ZDHHC1: variants seen among roughly 807,000 people sequenced by gnomAD.
ZDHHC1 encodes palmitoyltransferase ZDHHC1.
Under a neutral mutation model 46.9 loss-of-function variants are expected in ZDHHC1, and 45 were observed. The observed-to-expected ratio is 0.96, with a 90% CI of 0.76 to 1.23. The LOEUF (loss-of-function observed/expected upper bound fraction) is 1.23. Among genes scored for constraint, ZDHHC1 ranks in the 50% most tolerant of loss-of-function variants. ZDHHC1 has a pLI of 0.00. For missense variants in ZDHHC1, 649 were observed against 670.8 expected, an observed-to-expected ratio of 0.97 and a Z score of 0.36; for synonymous variants, 291 against 286.0, an observed-to-expected ratio of 1.02 and a Z score of -0.18.
At chr16:67,407,928 G>C (rs753057076) in intron 1 of ZDHHC1, 115 bp from the exon 2 acceptor site, 1 of 666,066 alleles carries the variant, frequency 1.5e-6, no homozygotes, top group African/African-American at 1.8e-5. Context: ...TCTTTCTGCA[G>C]GGTCGTGAAC....
chr16:67,413,974 G>A (rs2040793526), intron 1 of ZDHHC1, among the ~76,000 whole-genome samples: 1 of 150,354 alleles, frequency 6.7e-6, no homozygotes, highest in Admixed American at 6.6e-5. Flanking sequence ...CTGATGCTAT[G>A]GCAAGAAAAG....
rs1237347023 is a variant in ZDHHC1 at position 67,401,214 on chromosome 16, T to G, written c.253-82A>C. 10 of 1,546,530 alleles carry G rather than the reference T, an allele frequency of 6.5e-6. No individual in the cohort carries two copies. Among genetic ancestry groups the G allele is most frequent in the Non-Finnish European group, 7.9e-6 (9 of 1,146,388 alleles). ...TCCTTGCAGCCAGAGAACTCCCCAC[T>G]GCCATGCCAGCCCGCTTTGTGCAGA... On this transcript the variant is annotated intron_variant, in intron 3 of 11. Transcript: ENST00000565726. This position sits in a 1 kb window ranked among gnomAD's most constrained non-coding sequence, Gnocchi z 4.6.
chr16:67,399,279 TGCGA>T, intron 5 of ZDHHC1, 72 bp downstream of exon 5: 1 of 1,342,912 alleles, frequency 7.4e-7, no homozygotes, highest in Non-Finnish European at 1.0e-6. Context: ...CCGCCTGCCA[TGCGA>T]GCTGCAAGGT....
intron 2 of ZDHHC1, 128 bp downstream of exon 2, chr16:67,407,639 T>A: frequency 1.4e-6 from 1 of 723,008 alleles, no homozygotes; most frequent in South Asian, 1.5e-5. Context: ...CTTTGCCATT[T>A]GGGACGCTTT....
chr16:67,398,721 A>T lies in ZDHHC1; in HGVS notation c.666T>A (p.Asn222Lys). 6.2e-7 allele frequency: 1 copy of T among 1,609,908 alleles called. No individual in the cohort carries two copies. Among genetic ancestry groups the T allele is most frequent in the Non-Finnish European group, 8.5e-7 (1 of 1,178,668 alleles). Reference sequence around the variant, plus strand: ...GGAACACGAACCACACATCCGTGTGATTCTTCAGGACTGCAAGGCACAGGC... The same window carrying T: ...GGAACACGAACCACACATCCGTGTGTTTCTTCAGGACTGCAAGGCACAGGC... ...RTNRHFEVLK[N>K]HTDVWFVFLP... is the part of the protein sequence containing the mutation. Residue 222 changes from asparagine to lysine, a missense_variant, in exon 7 of 12, where the codon AAT becomes AAA. Coordinates refer to ENST00000565726, the MANE Select transcript of ZDHHC1 (RefSeq NM_001323627.2).
chr16:67,398,283 G>C lies in ZDHHC1; in HGVS notation c.856C>G (p.Arg286Gly), dbSNP rs751446948. 5.0e-6 allele frequency: 8 copies of C among 1,614,060 alleles called. No homozygotes were observed. Among genetic ancestry groups the C allele is most frequent in the Non-Finnish European group, 6.8e-6 (8 of 1,179,976 alleles). The change falls in exon 8 of 12, where the codon CGC becomes GGC. Residue 286 changes from arginine to glycine, a missense_variant. By Grantham distance (125) the Arg-to-Gly change is moderately radical (BLOSUM62 -2). Coordinates refer to ENST00000565726, the MANE Select transcript of ZDHHC1 (RefSeq NM_001323627.2). ...ACCCCCTTGGCCTCCTGTGGTGGGC[G>C]GTGCTGCACGATGTACTCATAGGTG... ...LTTYEYIVQH[R>G]PPQEAKGVHR...
chr16:67,402,246 G>A (rs2040565478), intron 3 of ZDHHC1, among the ~76,000 whole-genome samples: 1 of 152,132 alleles, frequency 6.6e-6, no homozygotes, highest in African/African-American at 2.4e-5. Flanking sequence ...GAGTTCCCTT[G>A]AGTCTATGCT....
chr16:67,398,772 C>A, intron 6 of ZDHHC1, 41 bp from the exon 7 acceptor site: 3 of 1,611,768 alleles, frequency 1.9e-6, no homozygotes, highest in South Asian at 1.1e-5. Context: ...GGGGACGTGA[C>A]GGGTGACCAG....
intron 4 of ZDHHC1, among the ~76,000 whole-genome samples, chr16:67,399,873 T>C (rs2040515800): frequency 6.6e-6 from 1 of 152,148 alleles, no homozygotes. Context: ...CCTCCGGCAG[T>C]GGGCCCCTGT....
intron 1 of ZDHHC1, among the ~76,000 whole-genome samples, chr16:67,409,734 C>T (rs1163120384): frequency 4.6e-5 from 7 of 152,214 alleles, no homozygotes; most frequent in Admixed American, 3.9e-4. Flanking sequence ...GATTGAAAGA[C>T]ATGTGGCTCT....
At chr16:67,412,933 T>C (rs2142264817) in intron 1 of ZDHHC1, among the ~76,000 whole-genome samples, 1 of 152,152 alleles carries the variant, frequency 6.6e-6, no homozygotes, top group East Asian at 1.9e-4. Flanking sequence ...CCCGAGTAGC[T>C]GGGATTACAG....
At position 67,416,153 on chromosome 16, in the gene ZDHHC1, C is replaced by A. The variant is rs534452993; in HGVS notation, c.-39+18G>T. ...CAAGCCAGGCTCCGAGGTGAGAAACCGGGCGGGGACTCCTCACCTGCGCGC... is the reference window on the plus strand; with the variant it reads ...CAAGCCAGGCTCCGAGGTGAGAAACAGGGCGGGGACTCCTCACCTGCGCGC... On this transcript the variant is annotated intron_variant, in intron 1 of 11. Coordinates refer to ENST00000565726, the MANE Select transcript of ZDHHC1 (RefSeq NM_001323627.2). 6 of 152,420 alleles carry A rather than the reference C, an allele frequency of 3.9e-5. No homozygotes were observed. Among genetic ancestry groups the A allele is most frequent in the African/African-American group, 1.4e-4 (6 of 41,582 alleles). 9.4% of individuals were successfully genotyped at this position (152,420 alleles called of 1,614,324 possible).
intron 1 of ZDHHC1, among the ~76,000 whole-genome samples, chr16:67,412,795 TTTTC>T (rs942377867): frequency 2.0e-5 from 3 of 152,046 alleles, no homozygotes; most frequent in Admixed American, 6.6e-5. Context: ...TTTTCTTCTC[TTTTC>T]TTTCACTTTT....
Position 67,406,525 on chromosome 16 carries a change from A to C in ZDHHC1, c.10-83T>G. On this transcript the variant is annotated intron_variant, in intron 2 of 11. Coordinates refer to ENST00000565726, the MANE Select transcript of ZDHHC1 (RefSeq NM_001323627.2). The surrounding 1 kb of genome is among the most constrained non-coding windows in gnomAD (Gnocchi z 4.1). ...GGGCCTGTGTCTGCAGCCAAGTTTC[A>C]GCACAGGGGGAGTAGGCTGCGACAG... The C allele has an allele frequency of 7.0e-7, 1 of 1,432,384 alleles. No homozygotes were observed. The highest frequency in any genetic ancestry group is 1.5e-5 in the South Asian group (1 of 67,086). 88.7% of individuals were successfully genotyped at this position (1,432,384 alleles called of 1,614,324 possible). A position where few individuals can be genotyped will look rare whatever the true frequency, so the allele number is the denominator to read the frequency against.
chr16:67,394,796 C>CGATAT lies in ZDHHC1; in HGVS notation c.1262_1263insATATC (p.Ser422TyrfsTer45). The CGATAT allele has an allele frequency of 6.5e-7, 1 of 1,536,062 alleles. No homozygotes were observed. Among genetic ancestry groups the CGATAT allele is most frequent in the Admixed American group, 2.0e-5 (1 of 50,810 alleles). On this transcript the variant is annotated frameshift_variant, in exon 12 of 12. Coordinates refer to ENST00000565726, the MANE Select transcript of ZDHHC1 (RefSeq NM_001323627.2). LOFTEE classifies it low-confidence loss of function (END_TRUNC). ...GAATCTCGTCCACGGACTCTGCCGACGCCGAGTGGTAGGCGCCGGCAGGGC... is the reference window on the plus strand; with the variant it reads ...GAATCTCGTCCACGGACTCTGCCGACGATATGCCGAGTGGTAGGCGCCGGCAGGGC...
rs1294358837 is a variant in ZDHHC1, at chr16:67,416,241, C to G, written c.-109G>C. ...CCAGAGGTTCGGGCCCCACGCCTGG[C>G]CTTCCACCCTCCCCGGGGCAGCCGC... On this transcript the variant is annotated 5_prime_UTR_variant, in exon 1 of 12. Transcript: ENST00000565726. 1 of 154,006 alleles carries G rather than the reference C, an allele frequency of 6.5e-6. No individual in the cohort carries two copies. The highest frequency in any genetic ancestry group is 1.5e-5 in the Non-Finnish European group (1 of 68,712). 9.5% of individuals were successfully genotyped at this position (154,006 alleles called of 1,614,324 possible).
intron 3 of ZDHHC1, among the ~76,000 whole-genome samples, chr16:67,403,672 C>A (rs1172837517): frequency 6.6e-6 from 1 of 151,904 alleles, no homozygotes; most frequent in Non-Finnish European, 1.5e-5. Context: ...TGCAATGGCG[C>A]TATCTCGGCT....
At chr16:67,400,263 C>T (rs1015719540) in intron 4 of ZDHHC1, among the ~76,000 whole-genome samples, 5 of 152,224 alleles carry the variant, frequency 3.3e-5, no homozygotes, top group East Asian at 1.9e-4. Flanking sequence ...TGGCCTTGGG[C>T]CATATCCCCA....
At chr16:67,398,050 A>C (rs902735523) in intron 8 of ZDHHC1, among the ~76,000 whole-genome samples, 162 bp downstream of exon 8, 2 of 152,038 alleles carry the variant, frequency 1.3e-5, no homozygotes, top group Non-Finnish European at 2.9e-5. Context: ...GGCTGTGCCC[A>C]CGCTTGGGCG....
Sources: gnomAD v4.1 joint callset for allele counts (sites outside exome capture counted in the v4.1 genomes callset) on GRCh38, gnomAD v4.1.1 for gene constraint, Gnocchi (gnomAD v3.1) non-coding constraint, MANE v1.5 for transcripts, NCBI Gene and HGNC (gene_info 2026-07-23, HGNC 2026-07-21) for gene names.